Variants in SHOC1 observed in about 807,000 individuals in gnomAD.
SHOC1 encodes protein shortage in chiasmata 1 ortholog.
A neutral mutation model predicts 179.2 loss-of-function variants in SHOC1; 136 were observed. The observed-to-expected ratio is 0.76, with a 90% CI of 0.66 to 0.87. The LOEUF is 0.87. SHOC1 is among the 40% of genes least tolerant of loss of function. The probability of loss-of-function intolerance (pLI) is 0.00; values close to 1 mark genes in which losing one functional copy is unlikely to be tolerated. For missense variants in SHOC1, 1,538 were observed against 1,700.8 expected (o/e 0.90, Z 1.68); for synonymous variants, 489 against 586.6 (o/e 0.83, Z 2.41).
At chr9:111,785,793 A>G in intron 3 of SHOC1, 119 bp downstream of exon 3, 1 of 769,724 alleles carries the variant, frequency 1.3e-6, no homozygotes, top group Non-Finnish European at 1.8e-6. Flanking sequence ...TGGAATTCTG[A>G]CATGAGTAGA....
At chr9:111,748,769 C>T (rs1275254546) in intron 8 of SHOC1, among the ~76,000 whole-genome samples, 1 of 135,952 alleles carries the variant, frequency 7.4e-6, no homozygotes, top group Non-Finnish European at 1.6e-5. Flanking sequence ...TCCTTTCCTT[C>T]CTTCCTTCCC....
intron 10 of SHOC1, 66 bp downstream of exon 10, chr9:111,746,168 A>C: frequency 1.9e-6 from 2 of 1,073,172 alleles, no homozygotes; most frequent in Non-Finnish European, 2.8e-6. Context: ...TTTTATATGG[A>C]GAGATTTAAA....
chr9:111,746,120 G>C (rs1834265582), intron 10 of SHOC1, 114 bp downstream of exon 10: 2 of 606,382 alleles, frequency 3.3e-6, no homozygotes, highest in South Asian at 4.2e-5. Context: ...CACTGTACTA[G>C]CTCTTAAATT....
chr9:111,791,050 G>C (rs1199976406), intron 2 of SHOC1, among the ~76,000 whole-genome samples: 1 of 152,100 alleles, frequency 6.6e-6, no homozygotes, highest in Non-Finnish European at 1.5e-5. Flanking sequence ...TGGCACTTTT[G>C]CTTTTTGATG....
intron 24 of SHOC1, 45 bp from the exon 25 acceptor site, chr9:111,694,407 C>G: frequency 7.2e-7 from 1 of 1,384,914 alleles, no homozygotes; most frequent in Non-Finnish European, 1.0e-6. Context: ...TACTAGGAAG[C>G]AAAATATAAT....
rs779048353 is a variant in SHOC1 at position 111,741,483 on chromosome 9, C to T, written c.1167G>A (p.Leu389=). 5.0e-6 allele frequency: 8 copies of T among 1,601,912 alleles called. No homozygotes were observed. In the Middle Eastern group the frequency reaches 5.0e-4, roughly 100 times the overall value. The change falls in exon 11 of 28, where the codon TTG becomes TTA. Residue 389 remains leucine, a synonymous_variant. Coordinates refer to ENST00000682961, the MANE Select transcript of SHOC1 (RefSeq NM_001378211.1). ...ERCRSPLNPF[L]LTVPRIQEPH... is the part of the protein sequence containing the mutation. ...AAGGCAATTAATCTTTACCTGTAAG[C>T]AAAAATGGGTTCAAAGGGCTTCTAC...
At position 111,691,645 on chromosome 9, in the gene SHOC1, G is replaced by C; in HGVS notation, c.4332C>G (p.Asn1444Lys). The C allele has an allele frequency of 6.2e-7, 1 of 1,613,886 alleles. No homozygotes were observed. The part of the protein sequence containing the change: ...SDSNANQKEF[N>K]SLYFYQRAGK... ...CAGCTCTTTGGTAGAAATAAAGGCT[G>C]TTGAATTCTTTTTGATTTGCATTAG... Residue 1444 changes from asparagine (N) to lysine (K), a missense_variant, in exon 27 of 28, where the codon AAC becomes AAG. Transcript: ENST00000682961.
intron 9 of SHOC1, among the ~76,000 whole-genome samples, chr9:111,747,372 A>G (rs1338925830): frequency 6.6e-6 from 1 of 152,198 alleles, no homozygotes; most frequent in East Asian, 1.9e-4. Flanking sequence ...AATAATGATG[A>G]CATAGAGAAC....
intron 1 of SHOC1, among the ~76,000 whole-genome samples, chr9:111,794,533 G>C (rs1161143183): frequency 6.6e-6 from 1 of 152,120 alleles, no homozygotes; most frequent in African/African-American, 2.4e-5. Context: ...GCAGTGAACC[G>C]AGATCGTGCC....
chr9:111,781,201 C>A, intron 3 of SHOC1, 184 bp from the exon 4 acceptor site: 2 of 562,650 alleles, frequency 3.6e-6, no homozygotes, highest in Non-Finnish European at 6.4e-6. Flanking sequence ...CCTACCCCCG[C>A]CCCTCAATCA....
intron 12 of SHOC1, among the ~76,000 whole-genome samples, 154 bp from the exon 13 acceptor site, chr9:111,728,203 GAATAA>G (rs1331257905): frequency 2.0e-5 from 3 of 152,042 alleles, no homozygotes; most frequent in African/African-American, 7.2e-5. Context: ...TTTTTGGTCT[GAATAA>G]AATAAATTTT....
chr9:111,693,902 G>A lies in SHOC1; in HGVS notation c.3362C>T (p.Ala1121Val), dbSNP rs752577475. 11 of 1,612,076 alleles carry A rather than the reference G, an allele frequency of 6.8e-6. 1 individual carries two copies. In the East Asian group the frequency reaches 2.5e-4, roughly 36 times the overall value. The change falls in exon 26 of 28, where the codon GCT (alanine) becomes GTT (valine). Residue 1121 changes from alanine to valine, a missense_variant. Transcript: ENST00000682961. Reference protein sequence around the residue: ...LDFPCINPLVAQLMLNKGPSL... With the variant: ...LDFPCINPLVVQLMLNKGPSL... ...AGGTCCTTTATTTAGCATGAGCTGA[G>A]CCACCAATGGGTTAATACATGGAAA...
At position 111,714,692 on chromosome 9, in the gene SHOC1, G is replaced by A. The variant is rs948597381; in HGVS notation, c.2237-69C>T. ...TTTAAGAAACTCCGTGGTAAAAAAG[G>A]CTTAAAGAAAATAAGTCAAAGCAGA... On this transcript the variant is annotated intron_variant, in intron 16 of 27. Transcript: ENST00000682961. 8 of 1,354,580 alleles carry A rather than the reference G, an allele frequency of 5.9e-6. No individual in the cohort carries two copies. The South Asian group carries it at 1.1e-4, about 18-fold the overall frequency. 83.9% of individuals were successfully genotyped at this position (1,354,580 alleles called of 1,614,324 possible).
intron 2 of SHOC1, among the ~76,000 whole-genome samples, chr9:111,788,058 A>C (rs1836322683): frequency 6.8e-6 from 1 of 147,496 alleles, no homozygotes. Context: ...TATAGCATAA[A>C]CATAACTTTT....
Position 111,738,332 on chromosome 9 carries a change from A to C in SHOC1, c.1365T>G (p.Ser455=). 6.2e-7 allele frequency: 1 copy of C among 1,612,114 alleles called. No individual in the cohort carries two copies. Among genetic ancestry groups the C allele is most frequent in the African/African-American group, 1.3e-5 (1 of 74,954 alleles). ...AAAATATCTCAATTTTAGTGTCATT[A>C]GAAGACAAATTATCATGACATAAAT... ...NTYLCHDNLS[S]NDTKIEIFLP... is the part of the protein sequence containing the mutation. The change falls in exon 12 of 28, where the codon TCT becomes TCG. Residue 455 remains serine, a synonymous_variant. Transcript: ENST00000682961.
Position 111,722,595 on chromosome 9 carries a change from T to C in SHOC1, c.1955-10A>G. ...GCTTGGCACTGGCTATCTGCAAAAA[T>C]AAAAGCATTAATGGCAGTGTTTTAA... On this transcript the variant is annotated splice_polypyrimidine_tract_variant and intron_variant, in intron 14 of 27. Coordinates refer to ENST00000682961, the MANE Select transcript of SHOC1 (RefSeq NM_001378211.1). 6.3e-7 allele frequency: 1 copy of C among 1,588,224 alleles called. No homozygotes were observed. Among genetic ancestry groups the C allele is most frequent in the South Asian group, 1.2e-5 (1 of 85,160 alleles).
In SHOC1 at chr9:111,691,744, T is replaced by G; in HGVS notation, c.4233A>C (p.Glu1411Asp). The stretch of plus-strand genomic sequence containing the variant: ...TCCAGAAAGTCTCATCTTTTGAACT[T>G]TCACATGTGAGGCCTTCAGACTCAT... The part of the protein sequence containing the change: ...LSDESEGLTC[E>D]SSKDETFWRE... The change falls in exon 27 of 28, where the codon GAA (glutamate) becomes GAC (aspartate). Residue 1411 changes from glutamate to aspartate, a missense_variant. Coordinates refer to ENST00000682961, the MANE Select transcript of SHOC1 (RefSeq NM_001378211.1). The G allele has an allele frequency of 6.2e-7, 1 of 1,614,048 alleles. No homozygotes were observed. Among genetic ancestry groups the G allele is most frequent in the East Asian group, 2.2e-5 (1 of 44,864 alleles).
At position 111,709,532 on chromosome 9, in the gene SHOC1, T is replaced by C. The variant is rs140813945; in HGVS notation, c.2489-1608A>G. Among the ~76,000 whole-genome samples, 18 of 152,218 alleles carry C rather than the reference T, an allele frequency of 1.2e-4. No individual in the cohort carries two copies. The East Asian group carries it at 3.3e-3, about 28-fold the overall frequency. On this transcript the variant is annotated intron_variant, in intron 18 of 27. Transcript: ENST00000682961. ...CCTTGCTTCCAGAAACTGAAGATAA[T>C]TGCCGTTCTGAAAAAGAGTAAAAAC...
Position 111,727,718 on chromosome 9 carries a change from G to A in SHOC1, c.1749C>T (p.Asp583=), listed in dbSNP as rs767522835. The change falls in exon 13 of 28, where the codon GAC becomes GAT. Residue 583 remains aspartate (D), a synonymous_variant. Coordinates refer to ENST00000682961, the MANE Select transcript of SHOC1 (RefSeq NM_001378211.1). ...GCAGCATAATAAAGTCGCTCAAAAG[G>A]TCCAAATCATTCTCTTGTTTTTTGC... ...EHGKKQENDL[D]LLSDFIMLRN... is the part of the protein sequence containing the mutation. 5 of 1,612,978 alleles carry A rather than the reference G, an allele frequency of 3.1e-6. No homozygotes were observed. Among genetic ancestry groups the A allele is most frequent in the Admixed American group, 1.7e-5 (1 of 59,864 alleles).
Sources: allele counts gnomAD v4.1 joint callset (sites outside exome capture counted in the v4.1 genomes callset), GRCh38; gene constraint gnomAD v4.1.1; transcripts MANE v1.5; gene names NCBI Gene and HGNC (gene_info 2026-07-23, HGNC 2026-07-21).